Variants in LRIG1 observed in about 807,000 individuals in gnomAD.
The protein encoded by LRIG1 is leucine-rich repeats and immunoglobulin-like domains protein 1.
LRIG1 carries 48 observed loss-of-function variants against 99.2 expected under a neutral mutation model. The ratio of observed to expected loss-of-function variants is 0.48; its 90% CI spans 0.38 to 0.62. LRIG1 has a LOEUF of 0.62. LRIG1 is among the 20% of genes least tolerant of loss of function. The pLI is 0.00. For missense variants in LRIG1, 1,646 were observed against 1,434.4 expected, an observed-to-expected ratio of 1.15 and a Z score of -2.38; for synonymous variants, 772 against 596.1, an observed-to-expected ratio of 1.29 and a Z score of -4.30.
rs889751622 is a variant in LRIG1, at chr3:66,403,693, C to T, written c.1160+1505G>A. Among the ~76,000 whole-genome samples, 19 of 152,318 alleles carry T rather than the reference C, an allele frequency of 1.2e-4. No homozygotes were observed. In the Middle Eastern group the frequency reaches 0.01, roughly 82 times the overall value. On this transcript the variant is annotated intron_variant, in intron 9 of 18. Transcript: ENST00000273261. ...CCCAGGCGACCCAGGGCCAGGCACA[C>T]CTCACGGGCCTTCTGTATTGAGACA...
rs568128312 is a variant in LRIG1 at position 66,418,590 on chromosome 3, G to A, written c.366-1324C>T. ...ACTTAGGAATCTGCTGGGTGGTGGC[G>A]CTGGGCCTCTAGGTTGCAGGCACTG... is the stretch of plus-strand genomic sequence containing the variant. On this transcript the variant is annotated intron_variant, in intron 3 of 18. Transcript: ENST00000273261. Among the ~76,000 whole-genome samples the A allele has an allele frequency of 4.6e-5, 7 of 152,258 alleles. No homozygotes were observed. In the South Asian group the frequency reaches 6.2e-4, roughly 14 times the overall value.
chr3:66,386,106 A>G lies in LRIG1; in HGVS notation c.1664T>C (p.Val555Ala). Residue 555 changes from valine (V) to alanine (A), a missense_variant, in exon 13 of 19, where the codon GTG becomes GCG. Physicochemically the swap from Val to Ala is moderately conservative, Grantham distance 64 (BLOSUM62 0). Transcript: ENST00000273261. Reference sequence around the variant, plus strand: ...GTGCAGGATGGTGGTGTACTCCATCACTTCCCCGTCCTGCGCGTGGACGTG... The same window carrying G: ...GTGCAGGATGGTGGTGTACTCCATCGCTTCCCCGTCCTGCGCGTGGACGTG... The part of the protein sequence containing the change: ...FVHVHAQDGE[V>A]MEYTTILHLR... 3.1e-6 allele frequency: 5 copies of G among 1,614,178 alleles called. No homozygotes were observed. Among genetic ancestry groups the G allele is most frequent in the Non-Finnish European group, 4.2e-6 (5 of 1,180,028 alleles).
rs539877865 is a variant in LRIG1 at position 66,412,685 on chromosome 3, C to T, written c.791+186G>A. Among the ~76,000 whole-genome samples, 38 of 152,302 alleles carry T rather than the reference C, an allele frequency of 2.5e-4. 1 individual carries two copies. The South Asian group carries it at 3.7e-3, about 15-fold the overall frequency. On this transcript the variant is annotated intron_variant, in intron 6 of 18. Coordinates refer to ENST00000273261, the MANE Select transcript of LRIG1 (RefSeq NM_015541.3). ...GTGCACAGCTGAATGCTGGTGTGGG[C>T]GCGCACGTGCACACGCGCACGCACA...
At chr3:66,397,211 C>T (rs531682185) in intron 11 of LRIG1, among the ~76,000 whole-genome samples, 9 of 152,336 alleles carry the variant, frequency 5.9e-5, no homozygotes, top group Admixed American at 2.0e-4. Flanking sequence ...TCACCCGGCC[C>T]GCTTCAGTTC....
chr3:66,459,513 A>C (rs1368913827), intron 2 of LRIG1, among the ~76,000 whole-genome samples: 1 of 152,200 alleles, frequency 6.6e-6, no homozygotes, highest in Non-Finnish European at 1.5e-5. Flanking sequence ...CTCATCATTC[A>C]CACCTGCTCA....
intron 3 of LRIG1, among the ~76,000 whole-genome samples, chr3:66,418,067 T>C (rs1412120811): frequency 2.0e-5 from 3 of 151,928 alleles, no homozygotes; most frequent in African/African-American, 7.3e-5. Flanking sequence ...AATGTTCCAC[T>C]GTAACTTGTG....
At chr3:66,490,742 C>T (rs560253661) in intron 1 of LRIG1, among the ~76,000 whole-genome samples, 4 of 152,304 alleles carry the variant, frequency 2.6e-5, no homozygotes, top group Non-Finnish European at 5.9e-5. Context: ...TTTAATTAAG[C>T]TTCACAGATC....
In LRIG1 at chr3:66,384,614, CAA is replaced by C. The variant is rs374476387; in HGVS notation, c.1790-344_1790-343del. Among the ~76,000 whole-genome samples the C allele has an allele frequency of 5.4e-3, 823 of 152,150 alleles. 3 individuals carry two copies. The highest frequency in any genetic ancestry group is 8.6e-3 in the Non-Finnish European group (585 of 68,016). On this transcript the variant is annotated intron_variant, in intron 13 of 18. Transcript: ENST00000273261. The stretch of plus-strand genomic sequence containing the variant: ...CCTGATGCTTGCCTGCTTTACCCAC[CAA>C]GAGAGAGGCTGTGGAGATGGAATTA...
At chr3:66,475,905 T>C (rs1008262700) in intron 1 of LRIG1, among the ~76,000 whole-genome samples, 1 of 152,180 alleles carries the variant, frequency 6.6e-6, no homozygotes, top group Non-Finnish European at 1.5e-5. Flanking sequence ...ACCTTTTCAA[T>C]TCAGTTATTC....
Position 66,382,125 on chromosome 3 carries a change from TAGC to T in LRIG1, c.2617+145_2617+147del, listed in dbSNP as rs1360712645. On this transcript the variant is annotated intron_variant, in intron 16 of 18. Transcript: ENST00000273261. Reference sequence around the variant, plus strand: ...GAACTCATGAAGACTGGGTCCAAAATAGCAGCCCTTAGTCATACCGCCTTCTAC... The same window carrying T: ...GAACTCATGAAGACTGGGTCCAAAATAGCCCTTAGTCATACCGCCTTCTAC... 8 of 868,064 alleles carry T rather than the reference TAGC, an allele frequency of 9.2e-6. No individual in the cohort carries two copies. The Admixed American group carries it at 1.3e-4, about 15-fold the overall frequency. The allele number at this position is 868,064 out of a possible 1,614,324, so 53.8% of individuals were successfully genotyped here.
intron 11 of LRIG1, among the ~76,000 whole-genome samples, 167 bp from the exon 12 acceptor site, chr3:66,394,370 G>A (rs1027519580): frequency 2.0e-5 from 3 of 152,204 alleles, no homozygotes; most frequent in Non-Finnish European, 2.9e-5. Flanking sequence ...TCCCAGGGCA[G>A]TGCATATAAC....
Position 66,384,149 on chromosome 3 carries a change from G to A in LRIG1, c.1913C>T (p.Thr638Met), listed in dbSNP as rs199575726. ...TCGCTCACGGGCAGCGGGGAAATCCGTGCCTCCATCCTTCTGCCAGGCAAT... is the reference window on the plus strand; with the variant it reads ...TCGCTCACGGGCAGCGGGGAAATCCATGCCTCCATCCTTCTGCCAGGCAAT... The part of the protein sequence containing the change: ...PQIAWQKDGG[T>M]DFPAARERRM... Residue 638 changes from threonine to methionine, a missense_variant, in exon 14 of 19, where the codon ACG becomes ATG. By Grantham distance (81) the Thr-to-Met change is moderately conservative. Transcript: ENST00000273261. The A allele has an allele frequency of 1.6e-5, 26 of 1,614,182 alleles. No homozygotes were observed. Among genetic ancestry groups the A allele is most frequent in the East Asian group, 4.5e-5 (2 of 44,882 alleles).
chr3:66,402,934 C>T (rs1702115868), intron 9 of LRIG1, among the ~76,000 whole-genome samples: 1 of 152,178 alleles, frequency 6.6e-6, no homozygotes, highest in Non-Finnish European at 1.5e-5. Context: ...CTCTGTCCCT[C>T]CCTTCATTCA....
intron 9 of LRIG1, chr3:66,404,198 A>G: frequency 7.9e-7 from 1 of 1,262,980 alleles, no homozygotes; most frequent in Non-Finnish European, 1.0e-6. Context: ...TTCAAAACAA[A>G]TCAGAAGCAT....
chr3:66,420,277 T>TAAAAC (rs923582570), intron 3 of LRIG1, among the ~76,000 whole-genome samples: 9 of 152,030 alleles, frequency 5.9e-5, no homozygotes, highest in Admixed American at 5.9e-4. Flanking sequence ...TGGCCACTAT[T>TAAAAC]AAAACAAAAC....
rs532145259 is a variant in LRIG1, at chr3:66,407,344, G to T, written c.1079+4C>A. ...CTTTATCCTGTCAGTAGTGGGAGAC[G>T]TACAAGACTCGCAGGCTCCTGAGTC... On this transcript the variant is annotated splice_donor_region_variant and intron_variant, in intron 8 of 18. Coordinates refer to ENST00000273261, the MANE Select transcript of LRIG1 (RefSeq NM_015541.3). 1 of 1,614,076 alleles carries T rather than the reference G, an allele frequency of 6.2e-7. No homozygotes were observed.
rs750019696 is a variant in LRIG1 at position 66,415,027 on chromosome 3, C to G, written c.540G>C (p.Leu180Phe). The G allele has an allele frequency of 1.2e-6, 2 of 1,610,414 alleles. No homozygotes were observed. Among genetic ancestry groups the G allele is most frequent in the South Asian group, 2.2e-5 (2 of 90,408 alleles). ...ACCGTGACAGACCATCAAATGCTCCCAACTCCAGGGTGCCAATCCGATTGC... is the reference window on the plus strand; with the variant it reads ...ACCGTGACAGACCATCAAATGCTCCGAACTCCAGGGTGCCAATCCGATTGC... ...LAGNRIGTLELGAFDGLSRSL... is the reference protein window; with the variant it reads ...LAGNRIGTLEFGAFDGLSRSL... Residue 180 changes from leucine (L) to phenylalanine (F), a missense_variant, in exon 5 of 19, where the codon TTG (leucine) becomes TTC (phenylalanine). Coordinates refer to ENST00000273261, the MANE Select transcript of LRIG1 (RefSeq NM_015541.3).
intron 3 of LRIG1, among the ~76,000 whole-genome samples, chr3:66,433,824 C>A (rs943507981): frequency 6.6e-6 from 1 of 152,218 alleles, no homozygotes; most frequent in Non-Finnish European, 1.5e-5. Context: ...CTTCTCTGTA[C>A]CCCAGAACCA....
chr3:66,406,064 T>G (rs1052252934), intron 8 of LRIG1: 5 of 986,538 alleles, frequency 5.1e-6, no homozygotes, highest in Non-Finnish European at 6.0e-6. Context: ...CCCGAGCCCT[T>G]GCAGACACAG....
Sources: allele counts gnomAD v4.1 joint callset (sites outside exome capture counted in the v4.1 genomes callset), GRCh38; gene constraint gnomAD v4.1.1; transcripts MANE v1.5; gene names NCBI Gene and HGNC (gene_info 2026-07-23, HGNC 2026-07-21).